The following PANK2 variants were observed in gnomAD, a reference collection of about 807,000 sequenced individuals.
PANK2 encodes pantothenate kinase 2, mitochondrial.
PANK2 carries 36 observed loss-of-function variants against 43.1 expected under a neutral mutation model. The ratio of observed to expected loss-of-function variants is 0.84; its 90% confidence interval spans 0.64 to 1.10. The LOEUF is 1.10. Among genes scored for constraint, PANK2 ranks in the 50% least tolerant of loss-of-function variants. PANK2 has a pLI of 0.00. For missense variants in PANK2, 576 were observed against 593.3 expected (o/e 0.97, Z 0.30); for synonymous variants, 281 against 238.2 (o/e 1.18, Z -1.66).
chr20:3,889,617 C>T lies in PANK2; in HGVS notation c.187C>T (p.Pro63Ser). Residue 63 changes from proline to serine, a missense_variant, in exon 1 of 7, where the codon CCC becomes TCC. Coordinates refer to ENST00000610179, the MANE Select transcript of PANK2 (RefSeq NM_001386393.1). The stretch of plus-strand genomic sequence containing the variant: ...GCGCCGGGCGAGCAGCGCGTCGGTG[C>T]CCGCGGTCGGGGCCTCGGCTGAGGG... 2 of 1,540,176 alleles carry T rather than the reference C, an allele frequency of 1.3e-6. No individual in the cohort carries two copies. Among genetic ancestry groups the T allele is most frequent in the East Asian group, 2.5e-5 (1 of 40,366 alleles).
chr20:3,893,182 T>G (rs1013511713), intron 1 of PANK2, among the ~76,000 whole-genome samples: 3 of 152,158 alleles, frequency 2.0e-5, no homozygotes, highest in Non-Finnish European at 2.9e-5. Context: ...GAAATTGTCC[T>G]TTTGTCCAAG....
At chr20:3,912,001 A>C (rs2090475392) in intron 3 of PANK2, among the ~76,000 whole-genome samples, 1 of 152,234 alleles carries the variant, frequency 6.6e-6, no homozygotes, top group Admixed American at 6.5e-5. Context: ...ATTTTTTTAA[A>C]AAAACAGTTG....
In PANK2 at chr20:3,928,983, G is replaced by A. The variant is rs1053870332; in HGVS notation, c.*5689G>A. On this transcript the variant is annotated 3_prime_UTR_variant, in exon 7 of 7. Transcript: ENST00000610179. Reference sequence around the variant, plus strand: ...CCTGTCCCAGCCTCCTGAGTGGCTGGGATTACAGGCATGCGTCACCACACC... The same window carrying A: ...CCTGTCCCAGCCTCCTGAGTGGCTGAGATTACAGGCATGCGTCACCACACC... The A allele has an allele frequency of 6.6e-6, 1 of 151,556 alleles. No individual in the cohort carries two copies. The highest frequency in any genetic ancestry group is 2.4e-5 in the African/African-American group (1 of 41,196). The allele number at this position is 151,556 out of a possible 1,614,324, so 9.4% of individuals were successfully genotyped here.
chr20:3,903,790 G>T (rs1382160011), intron 1 of PANK2, among the ~76,000 whole-genome samples: 2 of 151,978 alleles, frequency 1.3e-5, no homozygotes, highest in African/African-American at 2.4e-5. Context: ...ACCACGCCCG[G>T]CTAATTTTTT....
At position 3,929,756 on chromosome 20, in the gene PANK2, C is replaced by G. The variant is rs929934653; in HGVS notation, c.*6462C>G. On this transcript the variant is annotated 3_prime_UTR_variant, in exon 7 of 7. Coordinates refer to ENST00000610179, the MANE Select transcript of PANK2 (RefSeq NM_001386393.1). ...GAGCATCCTGTCGCAGATAGAAAGT[C>G]AATCAGAAAAATCTGGTTGTGCTCT... The G allele has an allele frequency of 6.6e-6, 1 of 152,192 alleles. No individual in the cohort carries two copies. The highest frequency in any genetic ancestry group is 1.5e-5 in the Non-Finnish European group (1 of 68,006). 9.4% of individuals were successfully genotyped at this position (152,192 alleles called of 1,614,324 possible).
At chr20:3,899,471 G>GTT (rs570331404) in intron 1 of PANK2, among the ~76,000 whole-genome samples, 1,917 of 146,470 alleles carry the variant, frequency 0.013, 50 homozygotes, top group African/African-American at 0.046. Flanking sequence ...ACATCCGGCT[G>GTT]TTTTTTTTTT....
intron 1 of PANK2, among the ~76,000 whole-genome samples, chr20:3,899,742 C>T (rs533123710): frequency 3.2e-4 from 41 of 127,576 alleles, no homozygotes; most frequent in Non-Finnish European, 5.6e-4. Flanking sequence ...GAGTCTCGCT[C>T]TGTTGCCCAG....
At chr20:3,889,940 C>A (rs1409019708) in intron 1 of PANK2, 1 of 1,528,948 alleles carries the variant, frequency 6.5e-7, no homozygotes, top group Admixed American at 2.0e-5. Context: ...TTGGTATGCA[C>A]TTCCCGCTTG....
upstream of PANK2, chr20:3,889,038 G>A (rs2090060259): frequency 6.5e-6 from 9 of 1,386,962 alleles, no homozygotes; most frequent in Non-Finnish European, 8.7e-6. Context: ...GGTCGCCCCA[G>A]GAGAGTTCCG....
chr20:3,921,242 T>C (rs1236486757), intron 6 of PANK2: 1 of 143,874 alleles, frequency 7.0e-6, no homozygotes, highest in Non-Finnish European at 1.5e-5. Flanking sequence ...GATGTTCCCC[T>C]TCCTGTGTCC....
chr20:3,907,445 A>AT (rs2146858058), intron 1 of PANK2, among the ~76,000 whole-genome samples: 1 of 152,146 alleles, frequency 6.6e-6, no homozygotes, highest in South Asian at 2.1e-4. Flanking sequence ...GAAACCTTTT[A>AT]TTTTTGGAAT....
At chr20:3,913,908 C>A (rs2090513595) in intron 4 of PANK2, among the ~76,000 whole-genome samples, 1 of 151,642 alleles carries the variant, frequency 6.6e-6, no homozygotes, top group African/African-American at 2.4e-5. Flanking sequence ...TCTGCTTCAG[C>A]CTTCCAAGTA....
chr20:3,923,263 G>GAGCACTCCTTGAGCTGTTGA lies in PANK2; in HGVS notation c.1355_1374dup (p.Ile459HisfsTer6). 6.2e-7 allele frequency: 1 copy of GAGCACTCCTTGAGCTGTTGA among 1,614,174 alleles called. No individual in the cohort carries two copies. Among genetic ancestry groups the GAGCACTCCTTGAGCTGTTGA allele is most frequent in the Non-Finnish European group, 8.5e-7 (1 of 1,180,046 alleles). ...TTTCAGGGTTATTTTGGAGCTGTTGGAGCACTCCTTGAGCTGTTGAAGATC... is the reference window on the plus strand; with the variant it reads ...TTTCAGGGTTATTTTGGAGCTGTTGGAGCACTCCTTGAGCTGTTGAAGCACTCCTTGAGCTGTTGAAGATC... On this transcript the variant is annotated frameshift_variant, in exon 7 of 7. Coordinates refer to ENST00000610179, the MANE Select transcript of PANK2 (RefSeq NM_001386393.1). LOFTEE classifies it high-confidence loss of function.
chr20:3,923,073 G>T (rs1260721350), intron 6 of PANK2, among the ~76,000 whole-genome samples, 171 bp from the exon 7 acceptor site: 2 of 152,190 alleles, frequency 1.3e-5, no homozygotes, highest in Non-Finnish European at 2.9e-5. Flanking sequence ...CCCAGACAGG[G>T]ACTCCTTAGG....
At chr20:3,891,049 G>GT (rs201286136) in intron 1 of PANK2, among the ~76,000 whole-genome samples, 2,121 of 152,120 alleles carry the variant, frequency 0.014, 51 homozygotes, top group African/African-American at 0.046. Context: ...TTTTTGGTTT[G>GT]TTTTTTGTTT....
At position 3,916,929 on chromosome 20, in the gene PANK2, TTGGAAACATGA is replaced by T; in HGVS notation, c.1088_1098del (p.Gly363GlufsTer10). ...GGATTTTTTTTCCCCCATCACAGCTTTGGAAACATGATGAGCAAGGAGAAGCGAGAGGCTGT... is the reference window on the plus strand; with the variant it reads ...GGATTTTTTTTCCCCCATCACAGCTTTGAGCAAGGAGAAGCGAGAGGCTGT... On this transcript the variant is annotated frameshift_variant, in exon 5 of 7. Coordinates refer to ENST00000610179, the MANE Select transcript of PANK2 (RefSeq NM_001386393.1). LOFTEE classifies it high-confidence loss of function. The T allele has an allele frequency of 6.2e-7, 1 of 1,612,652 alleles. No homozygotes were observed. Among genetic ancestry groups the T allele is most frequent in the East Asian group, 2.2e-5 (1 of 44,810 alleles).
At chr20:3,894,437 T>C (rs1027835173) in intron 1 of PANK2, among the ~76,000 whole-genome samples, 1 of 143,578 alleles carries the variant, frequency 7.0e-6, no homozygotes, top group African/African-American at 2.6e-5. Context: ...ACAAGGTTTC[T>C]CCATGTTGGT....
upstream of PANK2, chr20:3,888,985 C>A (rs982305676): frequency 6.0e-6 from 5 of 832,310 alleles, no homozygotes; most frequent in Non-Finnish European, 9.1e-6. Flanking sequence ...TGGAGGAGGG[C>A]TCGAGCTGCG....
chr20:3,893,931 G>GTTTTTTTTTTTTTT (rs374582085), intron 1 of PANK2, among the ~76,000 whole-genome samples: 1 of 73,162 alleles, frequency 1.4e-5, no homozygotes. Flanking sequence ...TTTGTTTTTT[G>GTTTTTTTTTTTTTT]TTTTTTTTTT....
Sources: allele counts gnomAD v4.1 joint callset (sites outside exome capture counted in the v4.1 genomes callset), GRCh38; gene constraint gnomAD v4.1.1; transcripts MANE v1.5; gene names NCBI Gene and HGNC (gene_info 2026-07-23, HGNC 2026-07-21).